SUN1: variants seen among roughly 807,000 people sequenced by gnomAD.
The protein encoded by SUN1 is SUN domain-containing protein 1.
A neutral mutation model predicts 103.2 loss-of-function variants in SUN1; 61 were observed. The ratio of observed to expected loss-of-function variants is 0.59; its 90% confidence interval spans 0.48 to 0.73. The LOEUF is 0.73. Among genes scored for constraint, SUN1 ranks in the 30% least tolerant of loss-of-function variants. The probability of loss-of-function intolerance (pLI) is 0.00; values close to 1 mark genes in which losing one functional copy is unlikely to be tolerated. For missense variants in SUN1, 1,052 were observed against 1,034.6 expected (o/e 1.02, Z -0.23); for synonymous variants, 490 against 425.7 (o/e 1.15, Z -1.86).
rs1178204542 is a variant in SUN1, at chr7:874,247, T to A, written c.*916T>A. 1 of 152,588 alleles carries A rather than the reference T, an allele frequency of 6.6e-6. No homozygotes were observed. Among genetic ancestry groups the A allele is most frequent in the South Asian group, 2.1e-4 (1 of 4,834 alleles). 9.5% of individuals were successfully genotyped at this position (152,588 alleles called of 1,614,324 possible). A position where few individuals can be genotyped will look rare whatever the true frequency, so the allele number is the denominator to read the frequency against. Reference sequence around the variant, plus strand: ...AACCCGTTACATTTCAGGACGATCCTTTTTCCTTCAGCAGCATTTCTTACT... The same window carrying A: ...AACCCGTTACATTTCAGGACGATCCATTTTCCTTCAGCAGCATTTCTTACT... On this transcript the variant is annotated 3_prime_UTR_variant, in exon 19 of 19. Transcript: ENST00000401592.
chr7:858,537 G>C (rs965016084), intron 13 of SUN1, among the ~76,000 whole-genome samples: 4 of 152,180 alleles, frequency 2.6e-5, no homozygotes, highest in African/African-American at 7.2e-5. Context: ...CTTGGTGTGC[G>C]TGCAGCCCAG....
intron 7 of SUN1, 98 bp downstream of exon 7, chr7:852,141 C>A: frequency 9.0e-7 from 1 of 1,109,628 alleles, no homozygotes; most frequent in Non-Finnish European, 1.3e-6. Flanking sequence ...AAGGATTTAG[C>A]TTATATTTAC....
chr7:844,044 G>A (rs1812729895), intron 5 of SUN1, among the ~76,000 whole-genome samples: 2 of 152,254 alleles, frequency 1.3e-5, no homozygotes, highest in Non-Finnish European at 2.9e-5. Context: ...GACAGCAGCA[G>A]TCACTGCAGG....
chr7:830,624 C>T (rs1056109783), upstream of SUN1, among the ~76,000 whole-genome samples: 1 of 152,206 alleles, frequency 6.6e-6, no homozygotes, highest in African/African-American at 2.4e-5. Flanking sequence ...AGTGTGACCT[C>T]TTTTCCCTAC....
chr7:849,915 A>G, intron 5 of SUN1: 1 of 1,590,818 alleles, frequency 6.3e-7, no homozygotes, highest in South Asian at 1.1e-5. Flanking sequence ...CTGTCACCAC[A>G]CCTGCAGGCG....
intron 1 of SUN1, among the ~76,000 whole-genome samples, chr7:824,450 G>A (rs1215771638): frequency 2.0e-5 from 3 of 152,148 alleles, no homozygotes; most frequent in Admixed American, 6.5e-5. Context: ...TGCACTCTAG[G>A]TTTGAAGCAA....
At chr7:842,782 A>G in intron 3 of SUN1, 1 of 259,362 alleles carries the variant, frequency 3.9e-6, no homozygotes, top group Non-Finnish European at 7.6e-6. Flanking sequence ...AGTTCCAGAG[A>G]TCACATGTGC....
chr7:843,497 A>T lies in SUN1; in HGVS notation c.635A>T (p.Tyr212Phe), dbSNP rs574207479. ...PAAPGPVSRV[Y>F]SRDRNQKCYF... is the part of the protein sequence containing the mutation. ...GCCCCCGGGCCCGTGTCGAGAGTTT[A>T]TTCTAGGGACAGGAATCAAAAATGT... Residue 212 changes from tyrosine to phenylalanine, a missense_variant, in exon 5 of 19, where the codon TAT (tyrosine) becomes TTT (phenylalanine). Physicochemically the swap from Tyr to Phe is conservative, Grantham distance 22 (BLOSUM62 3). Coordinates refer to ENST00000401592, the MANE Select transcript of SUN1 (RefSeq NM_001130965.3). 1.2e-6 allele frequency: 2 copies of T among 1,614,066 alleles called. No individual in the cohort carries two copies. Among genetic ancestry groups the T allele is most frequent in the South Asian group, 2.2e-5 (2 of 91,086 alleles).
chr7:871,379 C>G (rs1841542401), intron 17 of SUN1, among the ~76,000 whole-genome samples: 1 of 152,084 alleles, frequency 6.6e-6, no homozygotes, highest in Non-Finnish European at 1.5e-5. Context: ...CTCAGATGCC[C>G]TGAGTCTTTC....
rs183784808 is a variant in SUN1, at chr7:868,109, C to T, written c.1981-1240C>T. 1.7e-3 allele frequency among the ~76,000 whole-genome samples: 260 copies of T among 152,332 alleles called. 1 individual carries two copies. The highest frequency in any genetic ancestry group is 5.8e-3 in the African/African-American group (240 of 41,572). On this transcript the variant is annotated intron_variant, in intron 16 of 18. Transcript: ENST00000401592. ...TCCACAGCTGGCATAGAGGAGAAGC[C>T]GGCGGGTACGTGCCCATCGTTCACC...
In SUN1 at chr7:843,387, C is replaced by T. The variant is rs368543045; in HGVS notation, c.525C>T (p.Ala175=). The change falls in exon 5 of 19, where the codon GCC becomes GCT. Residue 175 remains alanine, a synonymous_variant. Coordinates refer to ENST00000401592, the MANE Select transcript of SUN1 (RefSeq NM_001130965.3). ...AGGGAAACGGGGATGTGGGAGCCGC[C>T]GCCGCCACCGCGCACAACGGCTTCT... ...AIQGNGDVGA[A]AATAHNGFSC... 4.9e-5 allele frequency: 79 copies of T among 1,610,062 alleles called. 2 individuals carry two copies. In the South Asian group the frequency reaches 5.9e-4, roughly 12 times the overall value.
At chr7:855,810 G>T (rs1241294382) in intron 11 of SUN1, among the ~76,000 whole-genome samples, 1 of 152,118 alleles carries the variant, frequency 6.6e-6, no homozygotes, top group Non-Finnish European at 1.5e-5. Context: ...ACCCGAGAGG[G>T]TCTGCGGGGC....
chr7:839,006 C>T lies in SUN1; in HGVS notation c.266+20C>T, dbSNP rs1316140873. 7.2e-6 allele frequency: 11 copies of T among 1,520,338 alleles called. No homozygotes were observed. In the Admixed American group the frequency reaches 9.0e-5, roughly 12 times the overall value. 94.2% of individuals were successfully genotyped at this position (1,520,338 alleles called of 1,614,324 possible). On this transcript the variant is annotated intron_variant, in intron 2 of 18. Coordinates refer to ENST00000401592, the MANE Select transcript of SUN1 (RefSeq NM_001130965.3). ...GGCCAGGTGAGCACCGCTGCACTTC[C>T]TCTCCATCTGATCTCTAACACCAGT...
At chr7:816,152 C>T, upstream of SUN1, 1 of 303,132 alleles carries the variant, frequency 3.3e-6, no homozygotes, top group South Asian at 2.7e-5. Flanking sequence ...ACGTAGACCG[C>T]GTATCTGAGG....
At chr7:849,362 G>A (rs1481652098) in intron 5 of SUN1, among the ~76,000 whole-genome samples, 4 of 152,232 alleles carry the variant, frequency 2.6e-5, no homozygotes, top group Admixed American at 1.3e-4. Context: ...GGCCCTGTCA[G>A]CGGCATTCAC....
chr7:874,770 A>C lies in SUN1; in HGVS notation c.*1439A>C, dbSNP rs1296707855. The C allele has an allele frequency of 6.6e-6, 1 of 152,254 alleles. No individual in the cohort carries two copies. Among genetic ancestry groups the C allele is most frequent in the Non-Finnish European group, 1.5e-5 (1 of 68,048 alleles). 9.4% of individuals were successfully genotyped at this position (152,254 alleles called of 1,614,324 possible). Reference sequence around the variant, plus strand: ...ATTAATTTATTTTTAAAGATGCAAGATAGGACTTTGTGCAATGTATTTTTG... The same window carrying C: ...ATTAATTTATTTTTAAAGATGCAAGCTAGGACTTTGTGCAATGTATTTTTG... On this transcript the variant is annotated 3_prime_UTR_variant, in exon 19 of 19. Transcript: ENST00000401592.
chr7:838,558 A>G (rs1342188377), intron 1 of SUN1, among the ~76,000 whole-genome samples: 1 of 152,204 alleles, frequency 6.6e-6, no homozygotes, highest in East Asian at 1.9e-4. Flanking sequence ...GGGCCCCAGC[A>G]TCTGGGAATG....
chr7:830,962 A>G (rs991140473), upstream of SUN1: 1 of 985,508 alleles, frequency 1.0e-6, no homozygotes, highest in African/African-American at 1.7e-5. Flanking sequence ...GAGCCCAGGC[A>G]TGGTGTATAG....
In SUN1 at chr7:853,537, G is replaced by A. The variant is rs1415403432; in HGVS notation, c.1182G>A (p.Gln394=). The stretch of plus-strand genomic sequence containing the variant: ...TGACCACTTTGCTACAGAAGCTGCA[G>A]GCTCGGGTGGACCAGATGGAAGGCG... The part of the protein sequence containing the change: ...RELTTLLQKL[Q]ARVDQMEGGA... The change falls in exon 10 of 19, where the codon CAG becomes CAA. Residue 394 remains glutamine, a synonymous_variant. Transcript: ENST00000401592. The A allele has an allele frequency of 6.2e-7, 1 of 1,613,384 alleles. No homozygotes were observed.
Sources: allele counts gnomAD v4.1 joint callset (sites outside exome capture counted in the v4.1 genomes callset), GRCh38; gene constraint gnomAD v4.1.1; transcripts MANE v1.5; gene names NCBI Gene and HGNC (gene_info 2026-07-23, HGNC 2026-07-21).